NUDT4: variants seen among roughly 807,000 people sequenced by gnomAD.
The protein encoded by NUDT4 is diphosphoinositol polyphosphate phosphohydrolase 2.
Under a neutral mutation model 23.1 loss-of-function variants are expected in NUDT4, and 5 were observed. The ratio of observed to expected loss-of-function variants is 0.22; its 90% confidence interval spans 0.11 to 0.46. The LOEUF is 0.46. Among genes scored for constraint, NUDT4 ranks in the 20% least tolerant of loss-of-function variants. The pLI, the probability that NUDT4 is intolerant of heterozygous loss-of-function variation, is 0.99. For synonymous variants in NUDT4, 50 were observed against 79.0 expected (o/e 0.63, Z 1.95); for missense variants, 96 against 211.6 (o/e 0.45, Z 3.39).
intron 1 of NUDT4, among the ~76,000 whole-genome samples, chr12:93,384,325 G>GC (rs1166694619): frequency 6.6e-6 from 1 of 151,994 alleles, no homozygotes; most frequent in African/African-American, 2.4e-5. Context: ...GTGCTACCAC[G>GC]CCCAGCTAAT....
intron 1 of NUDT4, among the ~76,000 whole-genome samples, chr12:93,392,974 C>T (rs1876663623): frequency 7.1e-6 from 1 of 140,314 alleles, no homozygotes; most frequent in African/African-American, 2.6e-5. Flanking sequence ...AGCCACTGCG[C>T]CCGGCCAGAT....
intron 2 of NUDT4, 68 bp from the exon 3 acceptor site, chr12:93,395,421 G>A (rs570498222): frequency 3.6e-6 from 4 of 1,114,408 alleles, no homozygotes; most frequent in African/African-American, 3.1e-5. Context: ...TAGCCAGAGT[G>A]TAACTTGTAT....
Position 93,406,996 on chromosome 12 carries a change from A to C in NUDT4, c.*7617A>C, listed in dbSNP as rs1357771055. 1 of 152,232 alleles carries C rather than the reference A, an allele frequency of 6.6e-6. No homozygotes were observed. The highest frequency in any genetic ancestry group is 1.9e-4 in the East Asian group (1 of 5,204). The allele number at this position is 152,232 out of a possible 1,614,324, so 9.4% of individuals were successfully genotyped here. ...GCTCCTATCAACACCTCAAGATTTT[A>C]GAAAAGCCTCTTAACGGGCAATTTT... On this transcript the variant is annotated 3_prime_UTR_variant, in exon 5 of 5. Transcript: ENST00000415493.
rs1877795835 is a variant in NUDT4 at position 93,406,079 on chromosome 12, C to G, written c.*6700C>G. The G allele has an allele frequency of 6.6e-6, 1 of 151,848 alleles. No individual in the cohort carries two copies. The highest frequency in any genetic ancestry group is 1.5e-5 in the Non-Finnish European group (1 of 68,034). The allele number at this position is 151,848 out of a possible 1,614,324, so 9.4% of individuals were successfully genotyped here. On this transcript the variant is annotated 3_prime_UTR_variant, in exon 5 of 5. Coordinates refer to ENST00000415493, the MANE Select transcript of NUDT4 (RefSeq NM_019094.6). The stretch of plus-strand genomic sequence containing the variant: ...TCAGGAGATGGAGACCATCCTGGCC[C>G]AACATGGTGAAACCCCGTCTCTACT...
chr12:93,385,353 C>G lies in NUDT4; in HGVS notation c.99+6932C>G, dbSNP rs556062346. Among the ~76,000 whole-genome samples, 7 of 152,298 alleles carry G rather than the reference C, an allele frequency of 4.6e-5. No individual in the cohort carries two copies. The South Asian group carries it at 1.5e-3, about 32-fold the overall frequency. ...TGTGCTCCAGGTCTGGCTCTGCAAC[C>G]TGGTAGAATGAGTAGCCTCCTTTTC... On this transcript the variant is annotated intron_variant, in intron 1 of 4. Transcript: ENST00000415493.
At position 93,400,620 on chromosome 12, in the gene NUDT4, G is replaced by A. The variant is rs1331892088; in HGVS notation, c.*1241G>A. 8.4e-6 allele frequency: 1 copy of A among 118,638 alleles called. No individual in the cohort carries two copies. Among genetic ancestry groups the A allele is most frequent in the African/African-American group, 3.0e-5 (1 of 33,054 alleles). The allele number at this position is 118,638 out of a possible 1,614,324, so 7.3% of individuals were successfully genotyped here. A position where few individuals can be genotyped will look rare whatever the true frequency, so the allele number is the denominator to read the frequency against. On this transcript the variant is annotated 3_prime_UTR_variant, in exon 5 of 5. Transcript: ENST00000415493. ...TGAGGGATGGGGGAAAGTAAAAGAT[G>A]TTTTTTTTTTTTTGAGACTCGCTTT...
chr12:93,378,205 G>A lies in NUDT4; in HGVS notation c.-118G>A. On this transcript the variant is annotated 5_prime_UTR_variant, in exon 1 of 5. Coordinates refer to ENST00000415493, the MANE Select transcript of NUDT4 (RefSeq NM_019094.6). ...CGCCGCACCTCCCGCACCGACTAGC[G>A]CTCCCGGGCGCTCCTGCGCCCGACT... 1 of 391,548 alleles carries A rather than the reference G, an allele frequency of 2.6e-6. No homozygotes were observed. The highest frequency in any genetic ancestry group is 7.8e-5 in the South Asian group (1 of 12,802). The allele number at this position is 391,548 out of a possible 1,614,324, so 24.3% of individuals were successfully genotyped here. A position where few individuals can be genotyped will look rare whatever the true frequency, so the allele number is the denominator to read the frequency against.
chr12:93,378,562 A>C (rs549609368), intron 1 of NUDT4, 141 bp downstream of exon 1: 113 of 1,288,858 alleles, frequency 8.8e-5, no homozygotes, highest in African/African-American at 6.2e-4. Context: ...TTCCTCCCTC[A>C]CTCCTTTCCT....
rs1161265149 is a variant in NUDT4 at position 93,403,570 on chromosome 12, C to G, written c.*4191C>G. ...TCCTGACCTCGTGATCCGCCTGCCT[C>G]GGCCTCCCTAAGTGCTGGGATTATG... On this transcript the variant is annotated 3_prime_UTR_variant, in exon 5 of 5. Coordinates refer to ENST00000415493, the MANE Select transcript of NUDT4 (RefSeq NM_019094.6). 1 of 152,226 alleles carries G rather than the reference C, an allele frequency of 6.6e-6. No individual in the cohort carries two copies. The highest frequency in any genetic ancestry group is 1.5e-5 in the Non-Finnish European group (1 of 68,086). 9.4% of individuals were successfully genotyped at this position (152,226 alleles called of 1,614,324 possible). A position where few individuals can be genotyped will look rare whatever the true frequency, so the allele number is the denominator to read the frequency against.
At chr12:93,398,356 AAAAGAAAAG>A (rs1173267637) in intron 3 of NUDT4, among the ~76,000 whole-genome samples, 3,116 of 149,352 alleles carry the variant, frequency 0.021, 139 homozygotes, top group African/African-American at 0.075. Context: ...AAAAAAAAAA[AAAAGAAAAG>A]AACATCAGAT....
Position 93,379,476 on chromosome 12 carries a change from C to T in NUDT4, c.99+1055C>T, listed in dbSNP as rs145804133. On this transcript the variant is annotated intron_variant, in intron 1 of 4. Transcript: ENST00000415493. The stretch of plus-strand genomic sequence containing the variant: ...TTTAATGGCTTCCTTACTGCTAGTC[C>T]CTGTAGTTGTGATGAATATGACACA... 3.6e-3 allele frequency among the ~76,000 whole-genome samples: 555 copies of T among 152,232 alleles called. 4 individuals carry two copies. Among genetic ancestry groups the T allele is most frequent in the African/African-American group, 0.013 (537 of 41,530 alleles).
intron 1 of NUDT4, among the ~76,000 whole-genome samples, chr12:93,381,236 T>C (rs1485279790): frequency 2.6e-5 from 4 of 152,232 alleles, no homozygotes; most frequent in Admixed American, 2.6e-4. Flanking sequence ...TGGCAGATCC[T>C]TTTGAGCTCT....
At position 93,397,108 on chromosome 12, in the gene NUDT4, C is replaced by T. The variant is rs575603456; in HGVS notation, c.255+1575C>T. 7.9e-4 allele frequency among the ~76,000 whole-genome samples: 120 copies of T among 152,266 alleles called. 1 individual carries two copies. The highest frequency in any genetic ancestry group is 2.8e-3 in the African/African-American group (118 of 41,542). ...TAAGTGCTTTACAAATACTGTTTAA[C>T]AGCACACGTCAATCAAAAAATACCT... On this transcript the variant is annotated intron_variant, in intron 3 of 4. Coordinates refer to ENST00000415493, the MANE Select transcript of NUDT4 (RefSeq NM_019094.6).
rs373643707 is a variant in NUDT4, at chr12:93,378,555, C to T, written c.99+134C>T. ...GCCCCCTTCCTCCCTCCCTCCTTTCCTCCCTCACTCCTTTCCTCCCTCACT... is the reference window on the plus strand; with the variant it reads ...GCCCCCTTCCTCCCTCCCTCCTTTCTTCCCTCACTCCTTTCCTCCCTCACT... On this transcript the variant is annotated intron_variant, in intron 1 of 4. Coordinates refer to ENST00000415493, the MANE Select transcript of NUDT4 (RefSeq NM_019094.6). 75 of 1,308,764 alleles carry T rather than the reference C, an allele frequency of 5.7e-5. No individual in the cohort carries two copies. In the East Asian group the frequency reaches 9.9e-4, roughly 17 times the overall value. 81.1% of individuals were successfully genotyped at this position (1,308,764 alleles called of 1,614,324 possible).
chr12:93,397,250 A>G (rs2120965004), intron 3 of NUDT4, among the ~76,000 whole-genome samples: 1 of 152,208 alleles, frequency 6.6e-6, no homozygotes, highest in African/African-American at 2.4e-5. Flanking sequence ...ATAGAAATAA[A>G]ACAACTGATT....
intron 1 of NUDT4, among the ~76,000 whole-genome samples, chr12:93,391,906 CAG>C (rs1224138306): frequency 6.6e-6 from 1 of 151,932 alleles, no homozygotes; most frequent in Non-Finnish European, 1.5e-5. Context: ...TTTTTTGAGA[CAG>C]AGTCTCACTC....
chr12:93,378,656 C>A, intron 1 of NUDT4: 1 of 1,187,768 alleles, frequency 8.4e-7, no homozygotes, highest in Non-Finnish European at 1.0e-6. Context: ...TCTGGGCACT[C>A]GAGAAGGCGC....
chr12:93,383,564 G>A (rs1490999330), intron 1 of NUDT4, among the ~76,000 whole-genome samples: 1 of 152,232 alleles, frequency 6.6e-6, no homozygotes, highest in Non-Finnish European at 1.5e-5. Context: ...AGGTGCAGTG[G>A]CTCACGCCTG....
At chr12:93,399,084 C>CTT (rs1877155455) in intron 4 of NUDT4, 93 bp from the exon 5 acceptor site, 2 of 886,016 alleles carry the variant, frequency 2.3e-6, no homozygotes, top group Admixed American at 1.9e-5. Context: ...ATATTGTTGT[C>CTT]TAAGTCATTT....
Sources: gnomAD v4.1 joint callset for allele counts (sites outside exome capture counted in the v4.1 genomes callset) on GRCh38, gnomAD v4.1.1 for gene constraint, MANE v1.5 for transcripts, NCBI Gene and HGNC (gene_info 2026-07-23, HGNC 2026-07-21) for gene names.